Variants in PCDH15 observed in about 807,000 individuals in gnomAD.
PCDH15 encodes the protein protocadherin related 15, also known as protocadherin-15.
A neutral mutation model predicts 178.5 loss-of-function variants in PCDH15; 129 were observed. The ratio of observed to expected loss-of-function variants is 0.72; its 90% confidence interval spans 0.63 to 0.84. PCDH15 has a LOEUF of 0.84. PCDH15 is among the 40% of genes least tolerant of loss of function. The pLI is 0.00. For missense variants in PCDH15, 2,230 were observed against 2,099.9 expected, an observed-to-expected ratio of 1.06 and a Z score of -1.21; for synonymous variants, 800 against 732.0, an observed-to-expected ratio of 1.09 and a Z score of -1.50.
intron 1 of PCDH15, among the ~76,000 whole-genome samples, chr10:54,671,254 G>GA (rs1269675167): frequency 6.6e-6 from 1 of 152,110 alleles, no homozygotes; most frequent in Non-Finnish European, 1.5e-5. Context: ...ACCTGGCACA[G>GA]AAAAATGATT....
At chr10:55,327,302 G>A (rs1320996707) in intron 2 of PCDH15, among the ~76,000 whole-genome samples, 1 of 152,044 alleles carries the variant, frequency 6.6e-6, no homozygotes, top group Non-Finnish European at 1.5e-5. Context: ...AAAATTGTGA[G>A]AAATAAATTT....
intron 9 of PCDH15, among the ~76,000 whole-genome samples, chr10:54,215,078 T>G (rs1217791883): frequency 2.0e-5 from 3 of 152,172 alleles, no homozygotes; most frequent in Non-Finnish European, 4.4e-5. Context: ...TAATATAGCT[T>G]CCTATTATGG....
intron 2 of PCDH15, among the ~76,000 whole-genome samples, chr10:54,899,664 T>C (rs557488941): frequency 6.6e-6 from 1 of 151,342 alleles, no homozygotes; most frequent in African/African-American, 2.4e-5. Flanking sequence ...GCCTGGCTAA[T>C]TTTTTGTATT....
intron 3 of PCDH15, among the ~76,000 whole-genome samples, chr10:54,807,456 G>A (rs1952796593): frequency 6.6e-6 from 1 of 151,574 alleles, no homozygotes; most frequent in African/African-American, 2.4e-5. Flanking sequence ...ATGCAACAGA[G>A]GTACAACACA....
At chr10:55,411,424 G>T (rs1838327997) in intron 2 of PCDH15, among the ~76,000 whole-genome samples, 1 of 151,848 alleles carries the variant, frequency 6.6e-6, no homozygotes, top group Non-Finnish European at 1.5e-5. Flanking sequence ...GTAATAAATA[G>T]CAAAACAACA....
chr10:55,363,382 C>A (rs192087403), intron 2 of PCDH15, among the ~76,000 whole-genome samples: 2 of 152,202 alleles, frequency 1.3e-5, no homozygotes, highest in East Asian at 3.9e-4. Context: ...TCAATAGTCA[C>A]ATATAGTTTA....
At chr10:54,711,201 T>C (rs188836662) in intron 1 of PCDH15, among the ~76,000 whole-genome samples, 22 of 152,128 alleles carry the variant, frequency 1.4e-4, no homozygotes, top group Admixed American at 1.4e-3. Flanking sequence ...TGAATAGCTG[T>C]GTGTACCATT....
intron 3 of PCDH15, among the ~76,000 whole-genome samples, chr10:54,825,105 T>C (rs1953104010): frequency 6.6e-6 from 1 of 151,968 alleles, no homozygotes; most frequent in Non-Finnish European, 1.5e-5. Context: ...TTCCCACCTA[T>C]GAGTGAGAAC....
intron 2 of PCDH15, among the ~76,000 whole-genome samples, chr10:54,544,810 C>A (rs1026362163): frequency 6.6e-6 from 1 of 152,164 alleles, no homozygotes; most frequent in South Asian, 2.1e-4. Context: ...TTAAAAATTT[C>A]TGTTACATTA....
intron 4 of PCDH15, among the ~76,000 whole-genome samples, chr10:54,372,309 A>G (rs932759110): frequency 6.6e-6 from 1 of 151,812 alleles, no homozygotes; most frequent in South Asian, 2.1e-4. Flanking sequence ...TGCACTGTGT[A>G]CTGAGGCCTC....
intron 29 of PCDH15, among the ~76,000 whole-genome samples, chr10:53,839,652 A>C (rs570376636): frequency 7.0e-6 from 1 of 143,688 alleles, no homozygotes; most frequent in African/African-American, 2.7e-5. Flanking sequence ...GTGTCACCAG[A>C]GTAAAGAAAA....
intron 2 of PCDH15, among the ~76,000 whole-genome samples, chr10:55,350,617 C>T (rs1040921589): frequency 1.3e-4 from 19 of 151,852 alleles, no homozygotes; most frequent in South Asian, 2.1e-4. Flanking sequence ...TTCTGTTCAT[C>T]GAAGATAGAA....
chr10:55,243,095 A>T (rs2132214591), intron 1 of PCDH15, among the ~76,000 whole-genome samples: 1 of 152,282 alleles, frequency 6.6e-6, no homozygotes, highest in African/African-American at 2.4e-5. Flanking sequence ...TAAAACAACT[A>T]GGAGTAGGCA....
At chr10:55,420,602 C>T (rs1229187263) in intron 2 of PCDH15, among the ~76,000 whole-genome samples, 1 of 151,568 alleles carries the variant, frequency 6.6e-6, no homozygotes, top group East Asian at 1.9e-4. Context: ...CTGTCTTAGA[C>T]TGGAGCATGG....
intron 25 of PCDH15, among the ~76,000 whole-genome samples, chr10:53,921,337 C>T (rs192416415): frequency 4.6e-5 from 7 of 152,268 alleles, no homozygotes; most frequent in African/African-American, 1.4e-4. Flanking sequence ...TGCCACCCCT[C>T]TACACCAACC....
At chr10:55,589,113 T>C (rs1233401368) in intron 2 of PCDH15, among the ~76,000 whole-genome samples, 5 of 149,712 alleles carry the variant, frequency 3.3e-5, no homozygotes, top group African/African-American at 1.2e-4. Context: ...AAAGAAAGGA[T>C]TAAAGTTACA....
intron 2 of PCDH15, among the ~76,000 whole-genome samples, chr10:55,088,813 G>A (rs2132033572): frequency 6.6e-6 from 1 of 152,102 alleles, no homozygotes. Flanking sequence ...CAAAAGAACT[G>A]AAATGATTTA....
intron 8 of PCDH15, among the ~76,000 whole-genome samples, chr10:54,268,467 T>C (rs1430534714): frequency 6.6e-6 from 1 of 151,786 alleles, no homozygotes; most frequent in Non-Finnish European, 1.5e-5. Flanking sequence ...AGCACTTGCA[T>C]GTTCTATTGC....
intron 2 of PCDH15, among the ~76,000 whole-genome samples, chr10:54,942,417 A>T (rs1838086717): frequency 6.6e-6 from 1 of 151,514 alleles, no homozygotes; most frequent in Non-Finnish European, 1.5e-5. Context: ...ATTTGTAAAT[A>T]ATTTTCACGA....
Sources: gnomAD v4.1 joint callset for allele counts (sites outside exome capture counted in the v4.1 genomes callset) on GRCh38, gnomAD v4.1.1 for gene constraint, MANE v1.5 for transcripts, NCBI Gene and HGNC (gene_info 2026-07-23, HGNC 2026-07-21) for gene names.